The following RARB variants were observed in gnomAD, a reference collection of about 807,000 sequenced individuals.
The protein encoded by RARB is HBV-activated protein.
A neutral mutation model predicts 51.9 loss-of-function variants in RARB; 17 were observed. The observed-to-expected ratio is 0.33, with a 90% CI of 0.22 to 0.49. The LOEUF is 0.49. Among genes scored for constraint, RARB ranks in the 20% least tolerant of loss-of-function variants. The pLI is 0.99. For synonymous variants in RARB, 215 were observed against 195.4 expected (o/e 1.10, Z -0.84); for missense variants, 369 against 550.8 (o/e 0.67, Z 3.30).
chr3:25,566,331 AT>A (rs1251823331), intron 3 of RARB, among the ~76,000 whole-genome samples: 4 of 152,186 alleles, frequency 2.6e-5, no homozygotes, highest in South Asian at 4.1e-4. Flanking sequence ...AGAATTTGTG[AT>A]AATCCCAGGA....
At chr3:24,968,517 G>C (rs1696326702) in intron 2 of RARB, among the ~76,000 whole-genome samples, 1 of 152,092 alleles carries the variant, frequency 6.6e-6, no homozygotes, top group Non-Finnish European at 1.5e-5. Flanking sequence ...GGGATCAGTT[G>C]GGCTGATTTT....
chr3:25,191,589 A>G (rs1325758262), intron 5 of RARB, among the ~76,000 whole-genome samples: 1 of 152,144 alleles, frequency 6.6e-6, no homozygotes, highest in Non-Finnish European at 1.5e-5. Context: ...AAAGATCCAT[A>G]TTGAGCTTTT....
chr3:25,165,665 G>A (rs1238947901), intron 4 of RARB, among the ~76,000 whole-genome samples: 1 of 152,090 alleles, frequency 6.6e-6, no homozygotes, highest in Non-Finnish European at 1.5e-5. Flanking sequence ...CAGACCTTTA[G>A]TCCAATACAT....
At chr3:25,515,013 C>A (rs1288819931) in intron 3 of RARB, among the ~76,000 whole-genome samples, 1 of 152,172 alleles carries the variant, frequency 6.6e-6, no homozygotes, top group African/African-American at 2.4e-5. Flanking sequence ...CTAATGGATG[C>A]AGTGAGTGAG....
At chr3:25,374,109 G>C (rs1349590608) in intron 5 of RARB, among the ~76,000 whole-genome samples, 5 of 152,182 alleles carry the variant, frequency 3.3e-5, no homozygotes, top group Non-Finnish European at 7.3e-5. Context: ...GTCATGAGCA[G>C]GGTGAATGGT....
intron 1 of RARB, among the ~76,000 whole-genome samples, chr3:25,437,267 A>G (rs1708475549): frequency 6.6e-6 from 1 of 152,104 alleles, no homozygotes. Flanking sequence ...CATTTACCAG[A>G]TCCCCAGATT....
At chr3:25,378,829 A>G (rs1377654610) in intron 5 of RARB, among the ~76,000 whole-genome samples, 1 of 152,208 alleles carries the variant, frequency 6.6e-6, no homozygotes, top group Non-Finnish European at 1.5e-5. Flanking sequence ...CTTATGAGGT[A>G]GTATTTCAGT....
At chr3:25,018,608 A>G (rs986344277) in intron 2 of RARB, among the ~76,000 whole-genome samples, 1 of 152,204 alleles carries the variant, frequency 6.6e-6, no homozygotes, top group African/African-American at 2.4e-5. Context: ...AACCGAGCCC[A>G]TATGAGCAGG....
At chr3:25,218,369 A>T (rs1198435014) in intron 5 of RARB, among the ~76,000 whole-genome samples, 1 of 147,532 alleles carries the variant, frequency 6.8e-6, no homozygotes, top group Non-Finnish European at 1.5e-5. Context: ...CCCACCCCCC[A>T]ACAAGGCCCC....
intron 3 of RARB, among the ~76,000 whole-genome samples, chr3:25,081,477 T>C (rs1698992740): frequency 6.7e-6 from 1 of 149,246 alleles, no homozygotes; most frequent in South Asian, 2.1e-4. Context: ...TTACTGATTT[T>C]TGTTTACTTG....
intron 1 of RARB, among the ~76,000 whole-genome samples, chr3:24,856,587 T>C (rs1702639380): frequency 6.6e-6 from 1 of 152,218 alleles, no homozygotes; most frequent in African/African-American, 2.4e-5. Context: ...TGAACTTCTG[T>C]AGCTTCTACC....
At position 25,536,233 on chromosome 3, in the gene RARB, A is replaced by C. The variant is rs145017818; in HGVS notation, c.449-33525A>C. Among the ~76,000 whole-genome samples, 258 of 152,350 alleles carry C rather than the reference A, an allele frequency of 1.7e-3. 1 individual carries two copies. The highest frequency in any genetic ancestry group is 5.8e-3 in the African/African-American group (243 of 41,586). ...AAGAGATAAAGCCAAGAGTAGGTTAAGTGACTTTTCTAAAGTCACACAGCT... is the reference window on the plus strand; with the variant it reads ...AAGAGATAAAGCCAAGAGTAGGTTACGTGACTTTTCTAAAGTCACACAGCT... On this transcript the variant is annotated intron_variant, in intron 3 of 7. Transcript: ENST00000330688.
chr3:24,843,862 CT>C (rs898885271), intron 1 of RARB, among the ~76,000 whole-genome samples: 19 of 151,148 alleles, frequency 1.3e-4, no homozygotes, highest in African/African-American at 4.4e-4. Context: ...TTGTCCATTC[CT>C]TTTCACCATT....
At chr3:25,019,350 A>G (rs1314990604) in intron 2 of RARB, among the ~76,000 whole-genome samples, 1 of 152,326 alleles carries the variant, frequency 6.6e-6, no homozygotes, top group East Asian at 1.9e-4. Flanking sequence ...GAAAAGAAAG[A>G]TAGAGGTGTG....
intron 2 of RARB, among the ~76,000 whole-genome samples, chr3:24,989,789 T>C (rs1179352371): frequency 9.2e-5 from 2 of 21,674 alleles, no homozygotes; most frequent in African/African-American, 4.2e-4. Flanking sequence ...TTTTTTTTTT[T>C]TTTTTTTTTT....
intron 2 of RARB, among the ~76,000 whole-genome samples, chr3:24,907,947 G>T (rs1212854956): frequency 1.3e-5 from 2 of 152,032 alleles, no homozygotes; most frequent in Non-Finnish European, 2.9e-5. Context: ...AGCATCCTTT[G>T]GAAATGTTCC....
chr3:25,450,741 G>A (rs1196911273), intron 1 of RARB, among the ~76,000 whole-genome samples: 1 of 152,112 alleles, frequency 6.6e-6, no homozygotes, highest in Non-Finnish European at 1.5e-5. Flanking sequence ...AGCCAGAAAT[G>A]TCTCCTGATG....
chr3:25,416,804 G>A (rs1045772131), intron 5 of RARB, among the ~76,000 whole-genome samples: 3 of 152,184 alleles, frequency 2.0e-5, no homozygotes, highest in East Asian at 1.9e-4. Flanking sequence ...AGAGGGGCAC[G>A]TCACTCGTTT....
chr3:24,833,634 A>G (rs1267199187), intron 1 of RARB, among the ~76,000 whole-genome samples: 1 of 152,222 alleles, frequency 6.6e-6, no homozygotes, highest in African/African-American at 2.4e-5. Context: ...CAACCTCCTA[A>G]AATTATTCTC....
Sources: allele counts gnomAD v4.1 joint callset (sites outside exome capture counted in the v4.1 genomes callset), GRCh38; gene constraint gnomAD v4.1.1; transcripts MANE v1.5; gene names NCBI Gene and HGNC (gene_info 2026-07-23, HGNC 2026-07-21).